The following FSD1 variants were observed in gnomAD, a reference collection of about 807,000 sequenced individuals.
FSD1 encodes the protein fibronectin type III and SPRY domain containing 1.
A neutral mutation model predicts 58.2 loss-of-function variants in FSD1; 23 were observed. The ratio of observed to expected loss-of-function variants is 0.40; its 90% CI spans 0.28 to 0.56. The LOEUF (loss-of-function observed/expected upper bound fraction) is 0.56. FSD1 is among the 20% of genes least tolerant of loss of function. The pLI is 0.54. For missense variants in FSD1, 563 were observed against 670.8 expected (o/e 0.84, Z 1.78); for synonymous variants, 265 against 263.4 (o/e 1.01, Z -0.06).
chr19:4,305,234 C>T (rs1048668750), intron 1 of FSD1, among the ~76,000 whole-genome samples: 14 of 149,644 alleles, frequency 9.4e-5, no homozygotes, highest in African/African-American at 3.5e-4. Context: ...ACCTCCCTGC[C>T]CCCTCCCCGC....
intron 10 of FSD1, among the ~76,000 whole-genome samples, chr19:4,320,315 ACT>A (rs1202547353): frequency 3.9e-5 from 6 of 151,964 alleles, no homozygotes; most frequent in African/African-American, 1.2e-4. Flanking sequence ...GAGCTTCTAG[ACT>A]CTGCCAGAGC....
At chr19:4,310,835 T>G in intron 6 of FSD1, 2 of 450,064 alleles carry the variant, frequency 4.4e-6, no homozygotes, top group Admixed American at 3.8e-5. Context: ...GAAAACTCTG[T>G]ACCCAGGGGT....
chr19:4,313,001 T>C (rs1441225923), intron 7 of FSD1, among the ~76,000 whole-genome samples: 2 of 151,642 alleles, frequency 1.3e-5, no homozygotes, highest in Non-Finnish European at 2.9e-5. Flanking sequence ...CTCCTAGAGC[T>C]GGCGTTCTGG....
Position 4,323,429 on chromosome 19 carries a change from C to T in FSD1, c.1373C>T (p.Ala458Val). ...AGGTTCACACAGCCGCTGCTGCCTGCTTTCACGGTGAGCTGCCCTCCGCGG... is the reference window on the plus strand; with the variant it reads ...AGGTTCACACAGCCGCTGCTGCCTGTTTTCACGGTGAGCTGCCCTCCGCGG... ...KTRFTQPLLP[A>V]FTVWCGSFQV... Residue 458 changes from alanine (A) to valine (V), a missense_variant, in exon 12 of 13, where the codon GCT becomes GTT. Ala to Val is a moderately conservative substitution (Grantham distance 64, BLOSUM62 0). Coordinates refer to ENST00000221856, the MANE Select transcript of FSD1 (RefSeq NM_024333.3). The surrounding 1 kb of genome is among the most constrained non-coding windows in gnomAD (Gnocchi z 7.7). The T allele has an allele frequency of 6.2e-7, 1 of 1,613,554 alleles. No homozygotes were observed. Among genetic ancestry groups the T allele is most frequent in the South Asian group, 1.1e-5 (1 of 91,056 alleles).
chr19:4,305,855 T>C, intron 1 of FSD1, 91 bp from the exon 2 acceptor site: 4 of 897,052 alleles, frequency 4.5e-6, no homozygotes, highest in Non-Finnish European at 5.6e-6. Flanking sequence ...TGCATGTGTG[T>C]GCACGTGTGT....
chr19:4,312,094 A>C (rs1599536406), intron 7 of FSD1, 43 bp downstream of exon 7: 2 of 1,501,472 alleles, frequency 1.3e-6, no homozygotes, highest in Non-Finnish European at 9.1e-7. Flanking sequence ...GTGAACAGCC[A>C]CCTCTTCCAG....
chr19:4,308,431 A>C (rs946475093), intron 4 of FSD1, among the ~76,000 whole-genome samples: 7 of 151,880 alleles, frequency 4.6e-5, no homozygotes, highest in Non-Finnish European at 1.0e-4. Context: ...AAAAGAAAAG[A>C]AAGCATTCAG....
At chr19:4,310,403 G>T in intron 5 of FSD1, 72 bp from the exon 6 acceptor site, 1 of 1,605,226 alleles carries the variant, frequency 6.2e-7, no homozygotes. Flanking sequence ...GGAGCCCTGG[G>T]GAGGGGCCCC....
chr19:4,311,052 G>T (rs1971684996), intron 6 of FSD1: 1 of 162,466 alleles, frequency 6.2e-6, no homozygotes. Context: ...CACCCACCAG[G>T]GGGTGAGGTC....
chr19:4,323,671 GT>G lies in FSD1; in HGVS notation c.*33del. 6 of 1,523,470 alleles carry G rather than the reference GT, an allele frequency of 3.9e-6. No individual in the cohort carries two copies. The highest frequency in any genetic ancestry group is 1.4e-5 in the African/African-American group (1 of 73,140). The allele number at this position is 1,523,470 out of a possible 1,614,324, so 94.4% of individuals were successfully genotyped here. A position where few individuals can be genotyped will look rare whatever the true frequency, so the allele number is the denominator to read the frequency against. ...CCCCAGGCACCCACCCAGCTGGGGT[GT>G]TTTTGGGGGAGTCGCCGCCAAGCCC... On this transcript the variant is annotated 3_prime_UTR_variant, in exon 13 of 13. Transcript: ENST00000221856. The surrounding 1 kb of genome is among the most constrained non-coding windows in gnomAD (Gnocchi z 7.7).
At chr19:4,310,654 G>A in intron 6 of FSD1, 58 bp downstream of exon 6, 1 of 1,573,948 alleles carries the variant, frequency 6.4e-7, no homozygotes, top group Non-Finnish European at 8.6e-7. Context: ...GGGAGGCTAG[G>A]AGGCCCTGAA....
At position 4,304,715 on chromosome 19, in the gene FSD1, C is replaced by T; in HGVS notation, c.-32C>T. On this transcript the variant is annotated 5_prime_UTR_variant, in exon 1 of 13. Transcript: ENST00000221856. ...GGGGACCCAGCGTGCGCGGGGCCCG[C>T]GGGCCGGGCCGGGGTGACCTGGGCT... is the stretch of plus-strand genomic sequence containing the variant. 2.1e-6 allele frequency: 2 copies of T among 971,590 alleles called. No homozygotes were observed. Among genetic ancestry groups the T allele is most frequent in the Admixed American group, 1.6e-4 (2 of 12,556 alleles). 60.2% of individuals were successfully genotyped at this position (971,590 alleles called of 1,614,324 possible).
chr19:4,317,340 C>T, intron 8 of FSD1, 60 bp downstream of exon 8: 1 of 1,027,160 alleles, frequency 9.7e-7, no homozygotes, highest in Non-Finnish European at 1.5e-6. Flanking sequence ...CCCACAGCCC[C>T]CAGAGACCAT....
chr19:4,308,218 G>A (rs2144756009), intron 4 of FSD1, among the ~76,000 whole-genome samples: 1 of 152,106 alleles, frequency 6.6e-6, no homozygotes, highest in African/African-American at 2.4e-5. Flanking sequence ...GACTAGCCTG[G>A]CCAACACGGG....
intron 8 of FSD1, 95 bp downstream of exon 8, chr19:4,317,375 C>T (rs1412628159): frequency 1.3e-6 from 1 of 791,218 alleles, no homozygotes. Flanking sequence ...CAGGGTTGCC[C>T]TGGCTGCCAG....
Position 4,323,502 on chromosome 19 carries a change from GCCCCT to G in FSD1, c.1381-26_1381-22del. 6.4e-7 allele frequency: 1 copy of G among 1,573,916 alleles called. No homozygotes were observed. Among genetic ancestry groups the G allele is most frequent in the Non-Finnish European group, 8.7e-7 (1 of 1,145,254 alleles). ...GCTGGGCGCTGGGGTTTGAAGCTGA[GCCCCT>G]CCCCCCTCCCCCCGCTGTCCCTCAG... On this transcript the variant is annotated intron_variant, in intron 12 of 12. Coordinates refer to ENST00000221856, the MANE Select transcript of FSD1 (RefSeq NM_024333.3). This position sits in a 1 kb window ranked among gnomAD's most constrained non-coding sequence, Gnocchi z 7.7.
intron 6 of FSD1, 78 bp from the exon 7 acceptor site, chr19:4,311,764 G>T: frequency 7.4e-7 from 1 of 1,349,248 alleles, no homozygotes; most frequent in Non-Finnish European, 1.1e-6. Flanking sequence ...ACATGTGGTT[G>T]GGCAGCCCTG....
At chr19:4,306,974 G>A (rs748685437) in intron 3 of FSD1, among the ~76,000 whole-genome samples, 6 of 152,176 alleles carry the variant, frequency 3.9e-5, no homozygotes, top group Non-Finnish European at 8.8e-5. Context: ...GACCTCCTGG[G>A]CAACTTCCTG....
chr19:4,304,778 C>G lies in FSD1; in HGVS notation c.15+17C>G. ...GAACAGAGGGTAGGACGGGGTGGGG[C>G]AGGGCGGGCCCGCAGGGGCGTCGGG... On this transcript the variant is annotated intron_variant, in intron 1 of 12. Transcript: ENST00000221856. The G allele has an allele frequency of 3.5e-6, 1 of 282,574 alleles. No homozygotes were observed. The allele number at this position is 282,574 out of a possible 1,614,324, so 17.5% of individuals were successfully genotyped here.
Sources: gnomAD v4.1 joint callset for allele counts (sites outside exome capture counted in the v4.1 genomes callset) on GRCh38, gnomAD v4.1.1 for gene constraint, Gnocchi (gnomAD v3.1) non-coding constraint, MANE v1.5 for transcripts, NCBI Gene and HGNC (gene_info 2026-07-23, HGNC 2026-07-21) for gene names.